SBF2: variants seen among roughly 807,000 people sequenced by gnomAD.
SBF2 encodes SET binding factor 2.
SBF2 carries 112 observed loss-of-function variants against 225.2 expected under a neutral mutation model. The observed-to-expected ratio is 0.50, with a 90% CI of 0.43 to 0.58. The LOEUF is 0.58. Ranked by LOEUF, SBF2 falls within the 20% of genes least tolerant of loss-of-function variation. The pLI is 0.00. For missense variants in SBF2, 1,996 were observed against 2,206.2 expected (o/e 0.90, Z 1.91); for synonymous variants, 763 against 773.3 (o/e 0.99, Z 0.22).
chr11:9,897,973 G>C (rs1409880667), intron 16 of SBF2, among the ~76,000 whole-genome samples: 10 of 152,134 alleles, frequency 6.6e-5, no homozygotes, highest in Admixed American at 6.5e-4. Context: ...GAGTGTGAGG[G>C]TGGTGAGAAC....
chr11:9,795,966 C>T lies in SBF2; in HGVS notation c.4444-9G>A, dbSNP rs1185198722. The T allele has an allele frequency of 6.2e-7, 1 of 1,612,322 alleles. No individual in the cohort carries two copies. Among genetic ancestry groups the T allele is most frequent in the Non-Finnish European group, 8.5e-7 (1 of 1,179,834 alleles). On this transcript the variant is annotated splice_polypyrimidine_tract_variant and intron_variant, in intron 32 of 39. Coordinates refer to ENST00000256190, the MANE Select transcript of SBF2 (RefSeq NM_030962.4). The stretch of plus-strand genomic sequence containing the variant: ...GGATACTGGTTGTGAACCTGAAACA[C>T]ACAAGGCAAAGAAAAGAGTAAGAAT...
At chr11:10,175,145 A>T (rs1172956076) in intron 2 of SBF2, among the ~76,000 whole-genome samples, 2 of 150,270 alleles carry the variant, frequency 1.3e-5, no homozygotes, top group African/African-American at 2.4e-5. Context: ...TGACAGGATC[A>T]AATTCACACA....
chr11:9,784,273 T>TC (rs1395271531), intron 38 of SBF2, 78 bp downstream of exon 38: 1 of 1,065,996 alleles, frequency 9.4e-7, no homozygotes, highest in African/African-American at 1.6e-5. Context: ...AATCTATCTG[T>TC]CTGCTAGAGC....
chr11:10,149,125 C>T (rs1191978458), intron 2 of SBF2: 1 of 152,362 alleles, frequency 6.6e-6, no homozygotes, highest in East Asian at 1.9e-4. Flanking sequence ...TCCAAAATTA[C>T]TTTTTATCAT....
In SBF2 at chr11:9,993,113, T is replaced by C. The variant is rs1180127524; in HGVS notation, c.1054-10A>G. 3 of 1,577,264 alleles carry C rather than the reference T, an allele frequency of 1.9e-6. No individual in the cohort carries two copies. ...CTCGCACCTCTTTATCCTAAAAATATAAGAAGAAATGTTAGGTAATTTAAC... is the reference window on the plus strand; with the variant it reads ...CTCGCACCTCTTTATCCTAAAAATACAAGAAGAAATGTTAGGTAATTTAAC... On this transcript the variant is annotated splice_polypyrimidine_tract_variant and intron_variant, in intron 10 of 39. Coordinates refer to ENST00000256190, the MANE Select transcript of SBF2 (RefSeq NM_030962.4).
upstream of SBF2, among the ~76,000 whole-genome samples, chr11:10,298,169 T>G (rs1446390114): frequency 6.6e-6 from 1 of 152,202 alleles, no homozygotes; most frequent in Non-Finnish European, 1.5e-5. Context: ...GGCAGGTGGA[T>G]CACCTAAGGT....
intron 28 of SBF2, among the ~76,000 whole-genome samples, chr11:9,825,932 T>C (rs1855035891): frequency 6.6e-6 from 1 of 151,944 alleles, no homozygotes; most frequent in Middle Eastern, 3.2e-3. Context: ...TTCAGAGGGG[T>C]TTATATTATT....
At chr11:10,169,494 T>C (rs1459318200) in intron 2 of SBF2, among the ~76,000 whole-genome samples, 1 of 152,202 alleles carries the variant, frequency 6.6e-6, no homozygotes, top group East Asian at 1.9e-4. Context: ...TTTCATGTTG[T>C]TGCAAATGAC....
intron 1 of SBF2, among the ~76,000 whole-genome samples, chr11:10,256,081 A>T (rs1026055119): frequency 2.6e-5 from 4 of 152,230 alleles, no homozygotes; most frequent in African/African-American, 9.6e-5. Context: ...GAGCTACTTC[A>T]TAAAGAAAAT....
intron 32 of SBF2, chr11:9,807,777 G>A (rs1853934185): frequency 3.4e-6 from 2 of 584,570 alleles, no homozygotes; most frequent in Non-Finnish European, 3.0e-6. Flanking sequence ...TTCACTTGGG[G>A]CAAGCCCAAC....
chr11:10,172,412 G>A (rs1362966030), intron 2 of SBF2, among the ~76,000 whole-genome samples: 3 of 151,984 alleles, frequency 2.0e-5, no homozygotes, highest in African/African-American at 7.3e-5. Flanking sequence ...AAGCACAATG[G>A]CGCATCTCAG....
intron 16 of SBF2, among the ~76,000 whole-genome samples, chr11:9,950,730 A>G (rs1287849253): frequency 6.6e-6 from 1 of 152,216 alleles, no homozygotes; most frequent in Non-Finnish European, 1.5e-5. Context: ...AGGTGAATAG[A>G]GCTTGGCTCG....
intron 6 of SBF2, among the ~76,000 whole-genome samples, chr11:10,020,510 T>A (rs923769025): frequency 6.6e-6 from 1 of 152,096 alleles, no homozygotes; most frequent in Non-Finnish European, 1.5e-5. Context: ...AGTTGCCCGC[T>A]TGGCCCAATT....
chr11:10,030,905 C>A, intron 4 of SBF2, 143 bp downstream of exon 4: 1 of 675,744 alleles, frequency 1.5e-6, no homozygotes, highest in Non-Finnish European at 2.4e-6. Context: ...GAAAATATTT[C>A]TTCTGTTCAT....
At chr11:9,894,883 G>A (rs1284806506) in intron 17 of SBF2, among the ~76,000 whole-genome samples, 1 of 152,008 alleles carries the variant, frequency 6.6e-6, no homozygotes, top group Non-Finnish European at 1.5e-5. Flanking sequence ...TTGGGCAACT[G>A]AGGCAGGAGA....
intron 28 of SBF2, among the ~76,000 whole-genome samples, chr11:9,822,310 G>C (rs1277035296): frequency 1.3e-5 from 2 of 149,758 alleles, no homozygotes; most frequent in Non-Finnish European, 3.0e-5. Context: ...ACCCAGGCTG[G>C]AGTGCAGTGG....
At chr11:9,936,148 C>G (rs560790205) in intron 16 of SBF2, among the ~76,000 whole-genome samples, 1 of 152,072 alleles carries the variant, frequency 6.6e-6, no homozygotes. Context: ...TGAAGTATAT[C>G]AACAGACACT....
intron 16 of SBF2, among the ~76,000 whole-genome samples, chr11:9,947,460 A>C (rs1487883221): frequency 6.6e-6 from 1 of 152,226 alleles, no homozygotes; most frequent in Non-Finnish European, 1.5e-5. Context: ...ACAACCTCAC[A>C]GGTCTTTTAG....
chr11:10,286,021 A>C (rs1963746318), intron 1 of SBF2, among the ~76,000 whole-genome samples: 1 of 152,040 alleles, frequency 6.6e-6, no homozygotes, highest in Non-Finnish European at 1.5e-5. Context: ...TTTTTGGAGA[A>C]AAAAGCCTGT....
Sources: gnomAD v4.1 joint callset for allele counts (sites outside exome capture counted in the v4.1 genomes callset) on GRCh38, gnomAD v4.1.1 for gene constraint, MANE v1.5 for transcripts, NCBI Gene and HGNC (gene_info 2026-07-23, HGNC 2026-07-21) for gene names.